CEP170: variants seen among roughly 807,000 people sequenced by gnomAD.
The protein encoded by CEP170 is centrosomal protein of 170 kDa.
Under a neutral mutation model 151.9 loss-of-function variants are expected in CEP170, and 21 were observed. The observed-to-expected ratio is 0.14, with a 90% CI of 0.10 to 0.20. The LOEUF is 0.20. Among genes scored for constraint, CEP170 ranks in the 10% least tolerant of loss-of-function variants. The pLI, the probability that CEP170 is intolerant of heterozygous loss-of-function variation, is 1.00. For missense variants in CEP170, 964 were observed against 1,892.9 expected, an observed-to-expected ratio of 0.51 and a Z score of 9.11; for synonymous variants, 356 against 648.8, an observed-to-expected ratio of 0.55 and a Z score of 6.86.
intron 4 of CEP170, among the ~76,000 whole-genome samples, chr1:243,202,421 T>A (rs933813522): frequency 1.3e-4 from 20 of 152,116 alleles, no homozygotes; most frequent in Non-Finnish European, 4.4e-5. Context: ...CATCCATGTA[T>A]CCAAAAAATC....
intron 6 of CEP170, among the ~76,000 whole-genome samples, 180 bp from the exon 7 acceptor site, chr1:243,199,374 G>A (rs1451437669): frequency 1.3e-5 from 2 of 152,042 alleles, no homozygotes; most frequent in African/African-American, 4.8e-5. Context: ...ATACAATGTT[G>A]GACATGACTA....
intron 10 of CEP170, among the ~76,000 whole-genome samples, chr1:243,175,748 T>C (rs2059187837): frequency 6.6e-6 from 1 of 152,158 alleles, no homozygotes; most frequent in African/African-American, 2.4e-5. Flanking sequence ...ACCAACTATC[T>C]AGACTGTTGC....
intron 19 of CEP170, among the ~76,000 whole-genome samples, 168 bp from the exon 20 acceptor site, chr1:243,126,906 T>C (rs975967501): frequency 5.3e-5 from 8 of 152,234 alleles, no homozygotes; most frequent in Non-Finnish European, 1.2e-4. Flanking sequence ...GTAGCTGTAC[T>C]GTAAATCACC....
chr1:243,156,536 A>G (rs1230625500), intron 13 of CEP170, 81 bp from the exon 14 acceptor site: 1 of 1,328,676 alleles, frequency 7.5e-7, no homozygotes, highest in East Asian at 2.5e-5. Context: ...ACTTCAAAAC[A>G]CCATGAGAGC....
intron 7 of CEP170, among the ~76,000 whole-genome samples, chr1:243,198,588 C>A (rs532183231): frequency 6.6e-6 from 1 of 152,186 alleles, no homozygotes; most frequent in East Asian, 1.9e-4. Flanking sequence ...GGGAAGATGG[C>A]TTGAGTCCAG....
chr1:243,241,320 C>G (rs1240659352), intron 1 of CEP170, among the ~76,000 whole-genome samples: 1 of 152,130 alleles, frequency 6.6e-6, no homozygotes, highest in African/African-American at 2.4e-5. Context: ...AATTTAATCG[C>G]CTTATAAAAC....
At chr1:243,191,765 G>A (rs916676358) in intron 7 of CEP170, among the ~76,000 whole-genome samples, 1 of 152,084 alleles carries the variant, frequency 6.6e-6, no homozygotes, top group Non-Finnish European at 1.5e-5. Flanking sequence ...ATCTTGCATG[G>A]CTAGGTCCAT....
intron 18 of CEP170, among the ~76,000 whole-genome samples, 148 bp downstream of exon 18, chr1:243,129,208 TGTGA>T (rs932392884): frequency 7.2e-5 from 11 of 152,096 alleles, no homozygotes; most frequent in East Asian, 3.9e-4. Context: ...ATTTTAAACC[TGTGA>T]GTCAGTAGAA....
chr1:243,215,005 A>C (rs1277605422), intron 3 of CEP170, among the ~76,000 whole-genome samples: 1 of 152,210 alleles, frequency 6.6e-6, no homozygotes, highest in Non-Finnish European at 1.5e-5. Flanking sequence ...TAAATTGTGA[A>C]GATTTCATGG....
At position 243,247,907 on chromosome 1, in the gene CEP170, C is replaced by T. The variant is rs55705200; in HGVS notation, c.-42+7133G>A. 4.4e-3 allele frequency among the ~76,000 whole-genome samples: 669 copies of T among 152,276 alleles called. 5 individuals are homozygous for T. Among genetic ancestry groups the T allele is most frequent in the African/African-American group, 0.015 (633 of 41,546 alleles). ...CCTTTCATTTGGTTTTTACATCTAC[C>T]TCGTTTGGCTACCACAATAAACCTC... On this transcript the variant is annotated intron_variant, in intron 1 of 19. Transcript: ENST00000366542.
intron 10 of CEP170, among the ~76,000 whole-genome samples, chr1:243,179,303 G>A (rs1306441451): frequency 6.6e-6 from 1 of 152,002 alleles, no homozygotes; most frequent in Non-Finnish European, 1.5e-5. Context: ...GTCCCTATAA[G>A]CTGGAAGTTC....
At position 243,166,090 on chromosome 1, in the gene CEP170, T is replaced by A; in HGVS notation, c.1870A>T (p.Thr624Ser). The A allele has an allele frequency of 1.9e-6, 3 of 1,613,006 alleles. No individual in the cohort carries two copies. The highest frequency in any genetic ancestry group is 2.5e-6 in the Non-Finnish European group (3 of 1,179,410). Residue 624 changes from threonine to serine, a missense_variant, in exon 13 of 20, where the codon ACA becomes TCA. Transcript: ENST00000366542. ...GTTGCAGAGCCAGTACTTCTCACTGTCATGCCAGACTCACTGATCTCTGTC... is the reference window on the plus strand; with the variant it reads ...GTTGCAGAGCCAGTACTTCTCACTGACATGCCAGACTCACTGATCTCTGTC... Reference protein sequence around the residue: ...NETEISESGMTVRSTGSATSL... With the variant: ...NETEISESGMSVRSTGSATSL...
chr1:243,172,874 A>C (rs775472774), intron 10 of CEP170, 28 bp from the exon 11 acceptor site: 1 of 1,519,028 alleles, frequency 6.6e-7, no homozygotes, highest in Admixed American at 2.3e-5. Context: ...TTTATAAATG[A>C]AAACGAAAAG....
chr1:243,206,194 T>TA (rs1271225238), intron 4 of CEP170, among the ~76,000 whole-genome samples: 1 of 152,194 alleles, frequency 6.6e-6, no homozygotes, highest in African/African-American at 2.4e-5. Flanking sequence ...AGTGCAGAGG[T>TA]ACGATCTTGG....
At chr1:243,196,878 T>C (rs1208810104) in intron 7 of CEP170, among the ~76,000 whole-genome samples, 1 of 152,150 alleles carries the variant, frequency 6.6e-6, no homozygotes, top group Admixed American at 6.6e-5. Flanking sequence ...TGTCATTTAA[T>C]GTATGTGTGT....
intron 1 of CEP170, among the ~76,000 whole-genome samples, chr1:243,237,801 G>A (rs1040138711): frequency 6.6e-6 from 1 of 151,986 alleles, no homozygotes; most frequent in Non-Finnish European, 1.5e-5. Context: ...GCTACTGGGG[G>A]TGGTGAGGCA....
intron 14 of CEP170, among the ~76,000 whole-genome samples, chr1:243,143,198 A>G (rs1319086826): frequency 2.0e-5 from 3 of 152,128 alleles, no homozygotes; most frequent in African/African-American, 7.2e-5. Context: ...GTACCAAGAA[A>G]TTAAGAACCC....
At chr1:243,228,311 C>G (rs1000803639) in intron 1 of CEP170, among the ~76,000 whole-genome samples, 2 of 152,172 alleles carry the variant, frequency 1.3e-5, no homozygotes, top group Non-Finnish European at 2.9e-5. Flanking sequence ...ACAATCAACT[C>G]GTACTCCCTC....
At chr1:243,210,276 T>C (rs190225845) in intron 4 of CEP170, among the ~76,000 whole-genome samples, 1 of 152,336 alleles carries the variant, frequency 6.6e-6, no homozygotes, top group East Asian at 1.9e-4. Context: ...TTACTAAAAC[T>C]TAAATTTCCT....
Sources: gnomAD v4.1 joint callset for allele counts (sites outside exome capture counted in the v4.1 genomes callset) on GRCh38, gnomAD v4.1.1 for gene constraint, MANE v1.5 for transcripts, NCBI Gene and HGNC (gene_info 2026-07-23, HGNC 2026-07-21) for gene names.